BTLA: variants seen among roughly 807,000 people sequenced by gnomAD.
The protein encoded by BTLA is B- and T-lymphocyte attenuator.
A neutral mutation model predicts 25.0 loss-of-function variants in BTLA; 11 were observed. The ratio of observed to expected loss-of-function variants is 0.44; its 90% CI spans 0.28 to 0.73. The LOEUF (loss-of-function observed/expected upper bound fraction) is 0.73, where lower values mean the gene tolerates loss of function less well. BTLA is among the 30% of genes least tolerant of loss of function. The probability of loss-of-function intolerance (pLI) is 0.15; values close to 1 mark genes in which losing one functional copy is unlikely to be tolerated. For missense variants in BTLA, 282 were observed against 332.8 expected, an observed-to-expected ratio of 0.85 and a Z score of 1.19; for synonymous variants, 104 against 119.8, an observed-to-expected ratio of 0.87 and a Z score of 0.86.
At position 112,466,400 on chromosome 3, in the gene BTLA, G is replaced by C. The variant is rs776601888; in HGVS notation, c.595-17C>G. ...AGCATCAACCTACAATAGAAAAAAA[G>C]ATGGTTTTAAGTGACACTTACGGCC... On this transcript the variant is annotated splice_polypyrimidine_tract_variant and intron_variant, in intron 4 of 4. Transcript: ENST00000334529. 5 of 1,547,254 alleles carry C rather than the reference G, an allele frequency of 3.2e-6. No homozygotes were observed. Among genetic ancestry groups the C allele is most frequent in the Non-Finnish European group, 4.4e-6 (5 of 1,145,194 alleles).
chr3:112,497,454 T>C (rs1380056933), intron 1 of BTLA, among the ~76,000 whole-genome samples: 3 of 152,214 alleles, frequency 2.0e-5, no homozygotes, highest in African/African-American at 7.2e-5. Flanking sequence ...AGGTTGCACA[T>C]TGGGAGAAAT....
At chr3:112,483,054 T>C (rs1461677777) in intron 1 of BTLA, among the ~76,000 whole-genome samples, 1 of 151,700 alleles carries the variant, frequency 6.6e-6, no homozygotes, top group Non-Finnish European at 1.5e-5. Flanking sequence ...AACAATGAGA[T>C]GGTTATAGAC....
chr3:112,465,990 A>G lies in BTLA; in HGVS notation c.*118T>C. On this transcript the variant is annotated 3_prime_UTR_variant, in exon 5 of 5. Coordinates refer to ENST00000334529, the MANE Select transcript of BTLA (RefSeq NM_181780.4). ...CCCTTAAGACCCAAGCACTAACATG[A>G]ACATTTCTAAAGTAAAAATTCTCAA... is the stretch of plus-strand genomic sequence containing the variant. 8.3e-7 allele frequency: 1 copy of G among 1,200,484 alleles called. No individual in the cohort carries two copies. Among genetic ancestry groups the G allele is most frequent in the Non-Finnish European group, 1.2e-6 (1 of 866,886 alleles). 74.4% of individuals were successfully genotyped at this position (1,200,484 alleles called of 1,614,324 possible). A position where few individuals can be genotyped will look rare whatever the true frequency, so the allele number is the denominator to read the frequency against.
At chr3:112,485,749 A>G (rs2082343522) in intron 1 of BTLA, among the ~76,000 whole-genome samples, 1 of 152,148 alleles carries the variant, frequency 6.6e-6, no homozygotes. Context: ...GTTTTTCTCA[A>G]GCATTCATAT....
In BTLA at chr3:112,479,753, A is replaced by C. The variant is rs372213071; in HGVS notation, c.105T>G (p.Asp35Glu). ...IWNIHGKESC[D>E]VQLYIKRQSE... is the part of the protein sequence containing the mutation. Reference sequence around the variant, plus strand: ...ATTGTCTCTTTATATAAAGCTGTACATCACATGATTCTTTCCCTAAAAGAT... The same window carrying C: ...ATTGTCTCTTTATATAAAGCTGTACCTCACATGATTCTTTCCCTAAAAGAT... Residue 35 changes from aspartate (D) to glutamate (E), a missense_variant, in exon 2 of 5, where the codon GAT becomes GAG. This residue lies in a region of BTLA where 163 missense variants were observed against 230.4 expected (regional missense o/e 0.71). Coordinates refer to ENST00000334529, the MANE Select transcript of BTLA (RefSeq NM_181780.4). 1.3e-6 allele frequency: 2 copies of C among 1,595,160 alleles called. No individual in the cohort carries two copies. The highest frequency in any genetic ancestry group is 2.7e-5 in the African/African-American group (2 of 73,940).
In BTLA at chr3:112,465,843, G is replaced by A. The variant is rs563797174; in HGVS notation, c.*265C>T. Reference sequence around the variant, plus strand: ...GGGTAAAATGTAGCTAAGTTTAAACGTTCTACTATTCTGCTACTCATGATG... The same window carrying A: ...GGGTAAAATGTAGCTAAGTTTAAACATTCTACTATTCTGCTACTCATGATG... On this transcript the variant is annotated 3_prime_UTR_variant, in exon 5 of 5. Coordinates refer to ENST00000334529, the MANE Select transcript of BTLA (RefSeq NM_181780.4). 2.2e-4 allele frequency: 68 copies of A among 309,878 alleles called. No homozygotes were observed. The highest frequency in any genetic ancestry group is 3.2e-4 in the Non-Finnish European group (55 of 169,400). The allele number at this position is 309,878 out of a possible 1,614,324, so 19.2% of individuals were successfully genotyped here.
chr3:112,492,109 A>G lies in BTLA; in HGVS notation c.88+7162T>C, dbSNP rs574773065. Among the ~76,000 whole-genome samples the G allele has an allele frequency of 1.0e-3, 155 of 152,252 alleles. 6 individuals are homozygous for G. The South Asian group carries it at 0.03, about 30-fold the overall frequency. On this transcript the variant is annotated intron_variant, in intron 1 of 4. Coordinates refer to ENST00000334529, the MANE Select transcript of BTLA (RefSeq NM_181780.4). ...GTCACAAATGTCCCCTTGCAGATCTACCCTACTGGTCACTGACTTTGCTTC... is the reference window on the plus strand; with the variant it reads ...GTCACAAATGTCCCCTTGCAGATCTGCCCTACTGGTCACTGACTTTGCTTC...
At chr3:112,487,479 GGAGGCT>G (rs2082354724) in intron 1 of BTLA, among the ~76,000 whole-genome samples, 1 of 152,142 alleles carries the variant, frequency 6.6e-6, no homozygotes, top group Admixed American at 6.5e-5. Context: ...CAGCTACTCA[GGAGGCT>G]GAGGCAGGAG....
At chr3:112,494,719 C>T (rs945511254) in intron 1 of BTLA, among the ~76,000 whole-genome samples, 3 of 152,000 alleles carry the variant, frequency 2.0e-5, no homozygotes, top group Admixed American at 1.3e-4. Flanking sequence ...TATATGGACA[C>T]AGAGAGGGGA....
In BTLA at chr3:112,478,009, T is replaced by C. The variant is rs987369353; in HGVS notation, c.403+1446A>G. 5.9e-5 allele frequency among the ~76,000 whole-genome samples: 9 copies of C among 151,510 alleles called. No homozygotes were observed. In the East Asian group the frequency reaches 7.7e-4, roughly 13 times the overall value. ...TCTATCCATGACAATACTATTCTTT[T>C]TTTTTTTTTTTAACTGTCATTTTGT... On this transcript the variant is annotated intron_variant, in intron 2 of 4. Coordinates refer to ENST00000334529, the MANE Select transcript of BTLA (RefSeq NM_181780.4).
chr3:112,498,281 C>A (rs1418575617), intron 1 of BTLA, among the ~76,000 whole-genome samples: 1 of 151,980 alleles, frequency 6.6e-6, no homozygotes, highest in Non-Finnish European at 1.5e-5. Context: ...GTGGAAGGTG[C>A]CTGTAATCCC....
intron 1 of BTLA, among the ~76,000 whole-genome samples, chr3:112,498,018 T>C (rs1216785409): frequency 6.6e-6 from 1 of 152,072 alleles, no homozygotes; most frequent in Non-Finnish European, 1.5e-5. Context: ...CATCCATAGC[T>C]TGGCTGACTT....
At chr3:112,490,680 T>C (rs912203834) in intron 1 of BTLA, among the ~76,000 whole-genome samples, 132 of 150,852 alleles carry the variant, frequency 8.8e-4, no homozygotes, top group African/African-American at 3.1e-3. Context: ...CTGGAAAGTA[T>C]TAATGCCAAG....
At chr3:112,480,760 G>T (rs992364486) in intron 1 of BTLA, among the ~76,000 whole-genome samples, 1 of 152,154 alleles carries the variant, frequency 6.6e-6, no homozygotes, top group Non-Finnish European at 1.5e-5. Flanking sequence ...ATTTCAACAT[G>T]AATTTTGGAG....
At chr3:112,480,705 T>C (rs1244402751) in intron 1 of BTLA, among the ~76,000 whole-genome samples, 1 of 152,172 alleles carries the variant, frequency 6.6e-6, no homozygotes. Flanking sequence ...TAACCTCTGA[T>C]CTCTTAAAGG....
At chr3:112,481,600 T>C (rs2082318533) in intron 1 of BTLA, among the ~76,000 whole-genome samples, 1 of 152,228 alleles carries the variant, frequency 6.6e-6, no homozygotes, top group South Asian at 2.1e-4. Context: ...GAGCCTATGA[T>C]GGGAGGGGCA....
At chr3:112,471,061 G>A (rs973233144) in intron 3 of BTLA, 151 bp downstream of exon 3, 47 of 1,101,620 alleles carry the variant, frequency 4.3e-5, no homozygotes, top group Middle Eastern at 6.1e-4. Flanking sequence ...GCTTTTTAGC[G>A]CAAATATGAG....
At position 112,471,290 on chromosome 3, in the gene BTLA, G is replaced by T. The variant is rs2931761; in HGVS notation, c.469C>A (p.Arg157Ser). The change falls in exon 3 of 5, where the codon CGT (arginine) becomes AGT (serine). Residue 157 changes from arginine to serine, a missense_variant. Coordinates refer to ENST00000334529, the MANE Select transcript of BTLA (RefSeq NM_181780.4). ...EMASRPWLLY[R>S]LLPLGGLPLL... ...GGCAATCCCCCCAAAGGAAGTAAAC[G>T]ATACAGGAGCCAGGGTCTGCTTGCC... 1 allele frequency: 1,611,177 copies of T among 1,614,114 alleles called. 804,165 individuals carry two copies. The highest frequency in any genetic ancestry group is 1 in the Non-Finnish European group (1,179,987 of 1,180,002).
At position 112,499,331 on chromosome 3, in the gene BTLA, T is replaced by G; in HGVS notation, c.28A>C (p.Thr10Pro). The change falls in exon 1 of 5, where the codon ACT becomes CCT. Residue 10 changes from threonine to proline, a missense_variant. Thr to Pro is a conservative substitution (Grantham distance 38). Around this residue, in one of 2 missense-constraint regions of BTLA, gnomAD observed 163 missense variants for 230.4 expected, o/e 0.71. Transcript: ENST00000334529. Reference sequence around the variant, plus strand: ...AAGAAGACCCAAAATAATTTCCCAGTTCCAAGCATGGCAGGCAATGTCTTC... The same window carrying G: ...AAGAAGACCCAAAATAATTTCCCAGGTCCAAGCATGGCAGGCAATGTCTTC... MKTLPAMLGTGKLFWVFFLI... is the reference protein window; with the variant it reads MKTLPAMLGPGKLFWVFFLI... 6.2e-7 allele frequency: 1 copy of G among 1,613,810 alleles called. No individual in the cohort carries two copies. Among genetic ancestry groups the G allele is most frequent in the East Asian group, 2.2e-5 (1 of 44,868 alleles).
Sources: allele counts gnomAD v4.1 joint callset (sites outside exome capture counted in the v4.1 genomes callset), GRCh38; gene constraint gnomAD v4.1.1; regional missense constraint gnomAD v4.1.1; transcripts MANE v1.5; gene names NCBI Gene and HGNC (gene_info 2026-07-23, HGNC 2026-07-21).